The following CNTN5 variants were observed in gnomAD, a reference collection of about 807,000 sequenced individuals.
CNTN5 encodes the protein contactin-5.
Under a neutral mutation model 129.1 loss-of-function variants are expected in CNTN5, and 77 were observed. The observed-to-expected ratio is 0.60, with a 90% CI of 0.50 to 0.72. The LOEUF is 0.72. Among genes scored for constraint, CNTN5 ranks in the 30% least tolerant of loss-of-function variants. The pLI is 0.00. For missense variants in CNTN5, 1,478 were observed against 1,328.8 expected (o/e 1.11, Z -1.75); for synonymous variants, 509 against 465.6 (o/e 1.09, Z -1.20).
chr11:99,380,116 G>A (rs995985652), intron 2 of CNTN5, among the ~76,000 whole-genome samples: 7 of 151,430 alleles, frequency 4.6e-5, no homozygotes, highest in Non-Finnish European at 1.0e-4. Context: ...TATGGTGTGT[G>A]TGTGTTAAAT....
intron 21 of CNTN5, among the ~76,000 whole-genome samples, chr11:100,325,365 A>C (rs1394450016): frequency 6.6e-6 from 1 of 152,180 alleles, no homozygotes; most frequent in Non-Finnish European, 1.5e-5. Flanking sequence ...AGTAAATTGA[A>C]CGAAAGCATG....
chr11:99,609,896 G>A (rs1409835894), intron 3 of CNTN5, among the ~76,000 whole-genome samples: 1 of 152,124 alleles, frequency 6.6e-6, no homozygotes, highest in Non-Finnish European at 1.5e-5. Context: ...TTGTTAGAAA[G>A]ACAGAGGTAA....
At chr11:99,943,059 G>C (rs1333381982) in intron 7 of CNTN5, among the ~76,000 whole-genome samples, 1 of 152,000 alleles carries the variant, frequency 6.6e-6, no homozygotes, top group Non-Finnish European at 1.5e-5. Flanking sequence ...CCAGTAATGG[G>C]ATTGCTGGGT....
At chr11:99,826,160 G>A (rs561154466) in intron 4 of CNTN5, among the ~76,000 whole-genome samples, 1 of 151,576 alleles carries the variant, frequency 6.6e-6, no homozygotes, top group Admixed American at 6.6e-5. Flanking sequence ...GCTTTTTTTT[G>A]CAATATAGAA....
chr11:100,212,266 C>G (rs559489540), intron 15 of CNTN5, among the ~76,000 whole-genome samples: 1 of 152,096 alleles, frequency 6.6e-6, no homozygotes, highest in African/African-American at 2.4e-5. Flanking sequence ...TTCAATAGAT[C>G]CATAATAATC....
chr11:99,805,781 G>C (rs1020236544), intron 3 of CNTN5, among the ~76,000 whole-genome samples: 16 of 152,290 alleles, frequency 1.1e-4, no homozygotes, highest in African/African-American at 3.9e-4. Flanking sequence ...TAATTAGGTA[G>C]CTGATAAATG....
At chr11:100,020,014 T>G (rs1384375074) in intron 9 of CNTN5, among the ~76,000 whole-genome samples, 2 of 152,022 alleles carry the variant, frequency 1.3e-5, no homozygotes, top group African/African-American at 4.8e-5. Flanking sequence ...CTACTAAGTT[T>G]CTTATATGTT....
chr11:99,161,388 C>G (rs570259968), intron 1 of CNTN5, among the ~76,000 whole-genome samples: 2 of 151,930 alleles, frequency 1.3e-5, no homozygotes, highest in Non-Finnish European at 2.9e-5. Context: ...ATAAACTTCT[C>G]CACTTTTTTT....
chr11:100,154,903 G>GTAGATTC (rs1176789389), intron 13 of CNTN5, among the ~76,000 whole-genome samples: 3 of 151,778 alleles, frequency 2.0e-5, no homozygotes, highest in Non-Finnish European at 4.4e-5. Context: ...TTCTTTCTTT[G>GTAGATTC]TAGATTCTGG....
At chr11:100,333,949 T>C (rs984132205) in intron 21 of CNTN5, among the ~76,000 whole-genome samples, 1 of 152,080 alleles carries the variant, frequency 6.6e-6, no homozygotes, top group African/African-American at 2.4e-5. Flanking sequence ...TTAATTAAAC[T>C]AAAAAGCTTC....
chr11:99,577,876 G>A (rs984303849), intron 3 of CNTN5, among the ~76,000 whole-genome samples: 10 of 151,344 alleles, frequency 6.6e-5, no homozygotes, highest in South Asian at 2.1e-4. Context: ...TGTGCACAAC[G>A]TGCAGGTTTG....
intron 3 of CNTN5, among the ~76,000 whole-genome samples, chr11:99,696,364 A>T (rs1044028141): frequency 6.6e-6 from 1 of 152,010 alleles, no homozygotes; most frequent in Non-Finnish European, 1.5e-5. Context: ...TTTCATTGTC[A>T]TTTTTGTTTG....
At chr11:99,414,760 A>G (rs955135509) in intron 2 of CNTN5, among the ~76,000 whole-genome samples, 4 of 152,158 alleles carry the variant, frequency 2.6e-5, no homozygotes, top group Admixed American at 1.3e-4. Flanking sequence ...TCCTGAGACT[A>G]AAATAATCTT....
intron 1 of CNTN5, among the ~76,000 whole-genome samples, chr11:99,159,311 A>G (rs1860484510): frequency 6.6e-6 from 1 of 152,196 alleles, no homozygotes; most frequent in Non-Finnish European, 1.5e-5. Context: ...CAGGCAACAT[A>G]TCTAATACAA....
In CNTN5 at chr11:99,315,296, G is replaced by A. The variant is rs1286826623; in HGVS notation, c.-209-10050G>A. 2.7e-5 allele frequency among the ~76,000 whole-genome samples: 4 copies of A among 149,720 alleles called. 1 individual carries two copies. Among genetic ancestry groups the A allele is most frequent in the Non-Finnish European group, 6.0e-5 (4 of 66,746 alleles). On this transcript the variant is annotated intron_variant, in intron 1 of 24. Transcript: ENST00000524871. ...TTCTGAACATTATTTTGTGGGCAAA[G>A]GGAAGCCTACAAATGCTTCTGTTCC...
intron 2 of CNTN5, among the ~76,000 whole-genome samples, chr11:99,358,273 T>TTTTTTTTTC (rs1938848523): frequency 7.5e-6 from 1 of 133,724 alleles, no homozygotes; most frequent in Non-Finnish European, 1.6e-5. Context: ...TTTTTTTTTT[T>TTTTTTTTTC]TTAGTAGAGA....
At chr11:100,051,999 C>G (rs924909260) in intron 9 of CNTN5, among the ~76,000 whole-genome samples, 2 of 151,854 alleles carry the variant, frequency 1.3e-5, no homozygotes, top group East Asian at 1.9e-4. Context: ...TTGATGAATT[C>G]TATCAAACAT....
chr11:99,088,768 T>C (rs551220793), intron 1 of CNTN5, among the ~76,000 whole-genome samples: 22 of 152,284 alleles, frequency 1.4e-4, no homozygotes, highest in African/African-American at 5.3e-4. Flanking sequence ...TAGAAGAGGA[T>C]GAGAAATTAA....
intron 2 of CNTN5, among the ~76,000 whole-genome samples, chr11:99,366,068 A>G (rs1300294576): frequency 6.6e-6 from 1 of 152,196 alleles, no homozygotes; most frequent in Non-Finnish European, 1.5e-5. Context: ...CATCCTCATC[A>G]CTAACAGATC....
Sources: gnomAD v4.1 joint callset for allele counts (sites outside exome capture counted in the v4.1 genomes callset) on GRCh38, gnomAD v4.1.1 for gene constraint, MANE v1.5 for transcripts, NCBI Gene and HGNC (gene_info 2026-07-23, HGNC 2026-07-21) for gene names.